Variants in FAM76B observed in about 807,000 individuals in gnomAD.
FAM76B encodes the protein family with sequence similarity 76 member B.
A neutral mutation model predicts 51.8 loss-of-function variants in FAM76B; 16 were observed. The ratio of observed to expected loss-of-function variants is 0.31; its 90% CI spans 0.21 to 0.47. FAM76B has a LOEUF of 0.47. FAM76B is among the 20% of genes least tolerant of loss of function. FAM76B has a pLI of 1.00. For missense variants in FAM76B, 342 were observed against 392.6 expected (o/e 0.87, Z 1.09); for synonymous variants, 166 against 129.5 (o/e 1.28, Z -1.91).
intron 4 of FAM76B, 72 bp from the exon 5 acceptor site, chr11:95,783,336 C>T: frequency 7.7e-7 from 1 of 1,300,990 alleles, no homozygotes; most frequent in Middle Eastern, 2.7e-4. Context: ...TAAGATAAAC[C>T]ACTCAACTTC....
At chr11:95,771,690 A>C in intron 9 of FAM76B, 40 bp from the exon 10 acceptor site, 1 of 1,492,466 alleles carries the variant, frequency 6.7e-7, no homozygotes, top group Non-Finnish European at 9.3e-7. Context: ...AAATGTTTGA[A>C]ATATTATTAA....
At chr11:95,775,730 C>A (rs1014257026) in intron 9 of FAM76B, 192 bp downstream of exon 9, 2 of 359,646 alleles carry the variant, frequency 5.6e-6, no homozygotes, top group African/African-American at 4.2e-5. Flanking sequence ...GTACTGAATC[C>A]CCCTTTCAAG....
At position 95,769,754 on chromosome 11, in the gene FAM76B, G is replaced by A. The variant is rs1376060344; in HGVS notation, c.*1807C>T. The A allele has an allele frequency of 6.6e-6, 1 of 151,522 alleles. No homozygotes were observed. The highest frequency in any genetic ancestry group is 1.5e-5 in the Non-Finnish European group (1 of 67,636). The allele number at this position is 151,522 out of a possible 1,614,324, so 9.4% of individuals were successfully genotyped here. On this transcript the variant is annotated 3_prime_UTR_variant, in exon 10 of 10. Coordinates refer to ENST00000358780, the MANE Select transcript of FAM76B (RefSeq NM_144664.5). ...CCATGTTAAGGCATTATCTATCATG[G>A]TTGAGAGTACTAAATTTAAGAAAAT...
At chr11:95,788,689 A>T in intron 1 of FAM76B, 126 bp from the exon 2 acceptor site, 1 of 1,220,784 alleles carries the variant, frequency 8.2e-7, no homozygotes, top group Non-Finnish European at 1.1e-6. Flanking sequence ...CCCAACGTAA[A>T]GAACTGGATG....
chr11:95,773,355 A>G (rs1859853831), intron 9 of FAM76B, among the ~76,000 whole-genome samples: 2 of 150,430 alleles, frequency 1.3e-5, no homozygotes, highest in Non-Finnish European at 3.0e-5. Flanking sequence ...TACAAGTCCA[A>G]ATTATTCTAA....
rs1859702761 is a variant in FAM76B at position 95,770,097 on chromosome 11, A to G, written c.*1464T>C. 1 of 151,588 alleles carries G rather than the reference A, an allele frequency of 6.6e-6. No individual in the cohort carries two copies. The highest frequency in any genetic ancestry group is 6.6e-5 in the Admixed American group (1 of 15,186). 9.4% of individuals were successfully genotyped at this position (151,588 alleles called of 1,614,324 possible). On this transcript the variant is annotated 3_prime_UTR_variant, in exon 10 of 10. Coordinates refer to ENST00000358780, the MANE Select transcript of FAM76B (RefSeq NM_144664.5). Reference sequence around the variant, plus strand: ...GAAGCAAATTTATCTTTGCCCATAAATTATTAAGAGAAGCAACTCACTCTA... The same window carrying G: ...GAAGCAAATTTATCTTTGCCCATAAGTTATTAAGAGAAGCAACTCACTCTA...
In FAM76B at chr11:95,789,434, A is replaced by C; in HGVS notation, c.45T>G (p.Arg15=). 6.2e-7 allele frequency: 1 copy of C among 1,609,862 alleles called. No individual in the cohort carries two copies. Among genetic ancestry groups the C allele is most frequent in the Non-Finnish European group, 8.5e-7 (1 of 1,178,278 alleles). ...ALYACTKCTQ[R]YPFEELSQGQ... ...CCTGGGAGAGCTCCTCGAAAGGATA[A>C]CGCTGGGTACACTTGGTGCAGGCGT... Residue 15 remains arginine, a synonymous_variant, in exon 1 of 10, where the codon CGT becomes CGG. Coordinates refer to ENST00000358780, the MANE Select transcript of FAM76B (RefSeq NM_144664.5).
chr11:95,787,687 T>G lies in FAM76B; in HGVS notation c.153-9A>C, dbSNP rs746141621. On this transcript the variant is annotated splice_polypyrimidine_tract_variant and intron_variant, in intron 2 of 9. Coordinates refer to ENST00000358780, the MANE Select transcript of FAM76B (RefSeq NM_144664.5). ...AAATTGTGTTAGTTTTGCTGAAAAA[T>G]AAATTGTATATAGATCATGTTTATG... The G allele has an allele frequency of 6.3e-6, 10 of 1,595,656 alleles. No homozygotes were observed. The highest frequency in any genetic ancestry group is 8.6e-6 in the Non-Finnish European group (10 of 1,167,272).
intron 4 of FAM76B, among the ~76,000 whole-genome samples, chr11:95,784,753 A>G (rs1860467790): frequency 6.6e-6 from 1 of 151,910 alleles, no homozygotes; most frequent in Non-Finnish European, 1.5e-5. Flanking sequence ...ATGCCCAGCT[A>G]ATTTTTTGTA....
intron 9 of FAM76B, among the ~76,000 whole-genome samples, chr11:95,774,164 T>C (rs1859894095): frequency 6.6e-6 from 1 of 151,236 alleles, no homozygotes; most frequent in Non-Finnish European, 1.5e-5. Context: ...TGGGAACTAG[T>C]GTAGGACAGG....
intron 3 of FAM76B, 133 bp downstream of exon 3, chr11:95,787,491 C>G: frequency 1.3e-6 from 1 of 749,800 alleles, no homozygotes; most frequent in Non-Finnish European, 2.2e-6. Context: ...CCGCCCTCCT[C>G]GGCCTCCCAA....
intron 7 of FAM76B, 43 bp from the exon 8 acceptor site, chr11:95,779,000 A>G (rs754750961): frequency 3.7e-6 from 6 of 1,602,034 alleles, no homozygotes; most frequent in African/African-American, 1.3e-5. Flanking sequence ...AAGTAGAAGG[A>G]AAATTAGCAG....
chr11:95,786,906 CAT>C (rs1276498654), intron 3 of FAM76B: 1 of 152,106 alleles, frequency 6.6e-6, no homozygotes, highest in African/African-American at 2.4e-5. Flanking sequence ...TTGTAGTATA[CAT>C]ATAAGACAAT....
chr11:95,788,391 A>G (rs1860722630), intron 2 of FAM76B, 108 bp downstream of exon 2: 2 of 943,790 alleles, frequency 2.1e-6, no homozygotes, highest in Non-Finnish European at 3.2e-6. Flanking sequence ...TTCTGGGGCT[A>G]AACCATTTTT....
At chr11:95,788,750 G>C in intron 1 of FAM76B, 187 bp from the exon 2 acceptor site, 1 of 1,337,670 alleles carries the variant, frequency 7.5e-7, no homozygotes. Flanking sequence ...GGAAGGCACA[G>C]GTGTCTTTGT....
chr11:95,789,542 A>C lies in FAM76B; in HGVS notation c.-64T>G, dbSNP rs1860871666. ...GAGGCGGGGCCCTACGGAGAACCCGAGAGCCGCCGCCGCCCGGGCCGCGGG... is the reference window on the plus strand; with the variant it reads ...GAGGCGGGGCCCTACGGAGAACCCGCGAGCCGCCGCCGCCCGGGCCGCGGG... On this transcript the variant is annotated 5_prime_UTR_variant, in exon 1 of 10. Coordinates refer to ENST00000358780, the MANE Select transcript of FAM76B (RefSeq NM_144664.5). The C allele has an allele frequency of 6.8e-7, 1 of 1,468,802 alleles. No individual in the cohort carries two copies. The highest frequency in any genetic ancestry group is 1.5e-5 in the African/African-American group (1 of 68,676). The allele number at this position is 1,468,802 out of a possible 1,614,324, so 91.0% of individuals were successfully genotyped here.
intron 9 of FAM76B, among the ~76,000 whole-genome samples, chr11:95,772,508 C>G (rs919996192): frequency 6.6e-6 from 1 of 151,116 alleles, no homozygotes; most frequent in Non-Finnish European, 1.5e-5. Context: ...CCTATATATA[C>G]AAATACATTA....
chr11:95,776,138 T>C, intron 8 of FAM76B, 115 bp from the exon 9 acceptor site: 1 of 505,620 alleles, frequency 2.0e-6, no homozygotes, highest in Non-Finnish European at 3.3e-6. Context: ...AGATGTTAAC[T>C]GCAGTTTCCT....
At position 95,780,862 on chromosome 11, in the gene FAM76B, C is replaced by T. The variant is rs144127440; in HGVS notation, c.564-936G>A. Among the ~76,000 whole-genome samples, 5 of 151,738 alleles carry T rather than the reference C, an allele frequency of 3.3e-5. No homozygotes were observed. The East Asian group carries it at 7.7e-4, about 23-fold the overall frequency. On this transcript the variant is annotated intron_variant, in intron 5 of 9. Transcript: ENST00000358780. ...TCACTTAGTACAGTGCTAGCATATACAAAATAGACATATATATATATACAT... is the reference window on the plus strand; with the variant it reads ...TCACTTAGTACAGTGCTAGCATATATAAAATAGACATATATATATATACAT...
Sources: allele counts gnomAD v4.1 joint callset (sites outside exome capture counted in the v4.1 genomes callset), GRCh38; gene constraint gnomAD v4.1.1; transcripts MANE v1.5; gene names NCBI Gene and HGNC (gene_info 2026-07-23, HGNC 2026-07-21).